Variants in PDGFD observed in about 807,000 individuals in gnomAD.
PDGFD encodes platelet derived growth factor D, also known as platelet-derived growth factor D.
PDGFD carries 30 observed loss-of-function variants against 44.7 expected under a neutral mutation model. The ratio of observed to expected loss-of-function variants is 0.67; its 90% confidence interval spans 0.50 to 0.91. The LOEUF is 0.91. PDGFD is among the 40% of genes least tolerant of loss of function. The pLI is 0.00. For synonymous variants in PDGFD, 173 were observed against 168.4 expected (o/e 1.03, Z -0.21); for missense variants, 445 against 457.8 (o/e 0.97, Z 0.25).
rs1861316097 is a variant in PDGFD at position 104,098,373 on chromosome 11, G to C, written c.124+65431C>G. ...GTAAGAAGAGGAAGAGAAATACAAG[G>C]TGTCTGTGGTAAGGGGGATGTTTGC... On this transcript the variant is annotated intron_variant, in intron 1 of 6. Coordinates refer to ENST00000393158, the MANE Select transcript of PDGFD (RefSeq NM_025208.5). Among the ~76,000 whole-genome samples the C allele has an allele frequency of 2.0e-5, 3 of 152,114 alleles. No homozygotes were observed. In the South Asian group the frequency reaches 6.2e-4, roughly 32 times the overall value.
In PDGFD at chr11:103,915,097, G is replaced by A. The variant is rs543483927; in HGVS notation, c.988-5278C>T. On this transcript the variant is annotated intron_variant, in intron 6 of 6. Transcript: ENST00000393158. ...AGATACTATTGGAAGTTCTGGCCAG[G>A]GCAATCAGGCAATAGAAAGAAATAA... Among the ~76,000 whole-genome samples, 120 of 152,202 alleles carry A rather than the reference G, an allele frequency of 7.9e-4. 1 individual carries two copies. The highest frequency in any genetic ancestry group is 2.8e-3 in the African/African-American group (117 of 41,518).
At position 103,932,580 on chromosome 11, in the gene PDGFD, C is replaced by T. The variant is rs1316386002; in HGVS notation, c.773-5454G>A. Among the ~76,000 whole-genome samples, 7 of 152,152 alleles carry T rather than the reference C, an allele frequency of 4.6e-5. No individual in the cohort carries two copies. In the South Asian group the frequency reaches 1.2e-3, roughly 27 times the overall value. On this transcript the variant is annotated intron_variant, in intron 5 of 6. Coordinates refer to ENST00000393158, the MANE Select transcript of PDGFD (RefSeq NM_025208.5). ...TAGAGAGCTAATCATCTTTTTATCC[C>T]TTCTCTTCTAGTACTTTGTCCCTAA...
chr11:103,929,082 G>T (rs936248604), intron 5 of PDGFD, among the ~76,000 whole-genome samples: 1 of 152,180 alleles, frequency 6.6e-6, no homozygotes, highest in African/African-American at 2.4e-5. Context: ...CGGCAACACT[G>T]AGTCTCTGCT....
intron 3 of PDGFD, among the ~76,000 whole-genome samples, chr11:103,952,597 A>C (rs1276935775): frequency 6.6e-6 from 1 of 152,180 alleles, no homozygotes; most frequent in Non-Finnish European, 1.5e-5. Flanking sequence ...GAGCCAAATG[A>C]GTTGTCCAGC....
At position 104,093,544 on chromosome 11, in the gene PDGFD, T is replaced by A. The variant is rs77410926; in HGVS notation, c.124+70260A>T. On this transcript the variant is annotated intron_variant, in intron 1 of 6. Coordinates refer to ENST00000393158, the MANE Select transcript of PDGFD (RefSeq NM_025208.5). ...CTTTATTGGTTTGATTTATCAAAGTTCTGTGGAATAGTTCTCAAATGTGTA... is the reference window on the plus strand; with the variant it reads ...CTTTATTGGTTTGATTTATCAAAGTACTGTGGAATAGTTCTCAAATGTGTA... Among the ~76,000 whole-genome samples the A allele has an allele frequency of 1.2e-3, 176 of 152,218 alleles. 1 individual carries two copies. The highest frequency in any genetic ancestry group is 0.01 in the East Asian group (52 of 5,170).
At chr11:104,112,678 A>T (rs1446467675) in intron 1 of PDGFD, among the ~76,000 whole-genome samples, 1 of 152,156 alleles carries the variant, frequency 6.6e-6, no homozygotes, top group Non-Finnish European at 1.5e-5. Context: ...ATGACATGGA[A>T]TACTATCCAG....
chr11:104,064,536 T>C (rs776428318), intron 1 of PDGFD, among the ~76,000 whole-genome samples: 1 of 152,160 alleles, frequency 6.6e-6, no homozygotes, highest in Non-Finnish European at 1.5e-5. Flanking sequence ...ATTTCATAAC[T>C]GGGGTTTCAT....
chr11:104,145,097 G>A (rs755506160), intron 1 of PDGFD, among the ~76,000 whole-genome samples: 3 of 152,132 alleles, frequency 2.0e-5, no homozygotes, highest in South Asian at 2.1e-4. Context: ...TGGTGTTATT[G>A]TTATTGTTAT....
At chr11:104,090,457 C>CAA (rs61371463) in intron 1 of PDGFD, among the ~76,000 whole-genome samples, 37 of 137,440 alleles carry the variant, frequency 2.7e-4, no homozygotes, top group African/African-American at 7.9e-4. Context: ...CTGTCTCTAC[C>CAA]AAAAAAAAAA....
rs1053601648 is a variant in PDGFD, at chr11:104,038,066, T to G, written c.125-37811A>C. 58 of 1,521,728 alleles carry G rather than the reference T, an allele frequency of 3.8e-5. No homozygotes were observed. In the East Asian group the frequency reaches 1.3e-3, roughly 33 times the overall value. The allele number at this position is 1,521,728 out of a possible 1,614,324, so 94.3% of individuals were successfully genotyped here. A position where few individuals can be genotyped will look rare whatever the true frequency, so the allele number is the denominator to read the frequency against. The stretch of plus-strand genomic sequence containing the variant: ...GAGGGAGCCTCAGGTCCCCGGCAAT[T>G]ATAAGTTAAGAGCTTACTGGCAATG... On this transcript the variant is annotated intron_variant, in intron 1 of 6. Coordinates refer to ENST00000393158, the MANE Select transcript of PDGFD (RefSeq NM_025208.5).
At chr11:103,937,570 T>TACTTTAAGTTTCAG (rs1555035016) in intron 5 of PDGFD, among the ~76,000 whole-genome samples, 1 of 152,114 alleles carries the variant, frequency 6.6e-6, no homozygotes, top group African/African-American at 2.4e-5. Context: ...ATGATTATTA[T>TACTTTAAGTTTCAG]ACTTTAAGTT....
At chr11:104,128,122 G>A in intron 1 of PDGFD, among the ~76,000 whole-genome samples, 1 of 50,744 alleles carries the variant, frequency 2.0e-5, no homozygotes, top group Non-Finnish European at 3.7e-5. Flanking sequence ...CCCAGCCCCA[G>A]TTTCTGTCTA....
chr11:104,143,332 C>A (rs530035986), intron 1 of PDGFD, among the ~76,000 whole-genome samples: 19 of 152,250 alleles, frequency 1.2e-4, no homozygotes, highest in African/African-American at 4.6e-4. Flanking sequence ...CTATGTCCAG[C>A]CTACTCATTT....
At chr11:103,958,485 G>A (rs1858889896) in intron 3 of PDGFD, among the ~76,000 whole-genome samples, 1 of 152,072 alleles carries the variant, frequency 6.6e-6, no homozygotes, top group Non-Finnish European at 1.5e-5. Flanking sequence ...TTTATACCAA[G>A]CTAAAATGAA....
In PDGFD at chr11:103,996,124, A is replaced by G; in HGVS notation, c.451T>C (p.Phe151Leu). Residue 151 changes from phenylalanine to leucine, a missense_variant, in exon 3 of 7, where the codon TTC becomes CTC. Physicochemically the swap from Phe to Leu is conservative, Grantham distance 22. Coordinates refer to ENST00000393158, the MANE Select transcript of PDGFD (RefSeq NM_025208.5). ...GCCACAAAGTAGTCATCGGACTTGAATGTGATTTTAATTTGGTTCGTTCTT... is the reference window on the plus strand; with the variant it reads ...GCCACAAAGTAGTCATCGGACTTGAGTGTGATTTTAATTTGGTTCGTTCTT... ...KSRTNQIKIT[F>L]KSDDYFVAKP... 6.2e-7 allele frequency: 1 copy of G among 1,613,798 alleles called. No individual in the cohort carries two copies. Among genetic ancestry groups the G allele is most frequent in the South Asian group, 1.1e-5 (1 of 91,070 alleles).
At chr11:104,138,322 C>A (rs759206506) in intron 1 of PDGFD, among the ~76,000 whole-genome samples, 1 of 152,112 alleles carries the variant, frequency 6.6e-6, no homozygotes, top group African/African-American at 2.4e-5. Flanking sequence ...TCCACATTTA[C>A]AAAGCAGTTA....
In PDGFD at chr11:104,038,067, A is replaced by G. The variant is rs551620291; in HGVS notation, c.125-37812T>C. ...AGGGAGCCTCAGGTCCCCGGCAATT[A>G]TAAGTTAAGAGCTTACTGGCAATGT... is the stretch of plus-strand genomic sequence containing the variant. On this transcript the variant is annotated intron_variant, in intron 1 of 6. Transcript: ENST00000393158. 3.3e-6 allele frequency: 5 copies of G among 1,510,878 alleles called. No homozygotes were observed. In the African/African-American group the frequency reaches 4.1e-5, roughly 13 times the overall value. The allele number at this position is 1,510,878 out of a possible 1,614,324, so 93.6% of individuals were successfully genotyped here.
At chr11:103,943,736 A>G in intron 4 of PDGFD, 86 bp from the exon 5 acceptor site, 1 of 1,141,302 alleles carries the variant, frequency 8.8e-7, no homozygotes, top group South Asian at 1.4e-5. Flanking sequence ...GAAGGAACAT[A>G]AACAGGCTTC....
At chr11:103,916,322 C>CA (rs570585279) in intron 6 of PDGFD, among the ~76,000 whole-genome samples, 201 of 118,958 alleles carry the variant, frequency 1.7e-3, no homozygotes, top group African/African-American at 6.1e-3. Flanking sequence ...ATGCAGCCAA[C>CA]AAACATATGA....
Sources: allele counts gnomAD v4.1 joint callset (sites outside exome capture counted in the v4.1 genomes callset), GRCh38; gene constraint gnomAD v4.1.1; transcripts MANE v1.5; gene names NCBI Gene and HGNC (gene_info 2026-07-23, HGNC 2026-07-21).